Variants in SENP8 observed in about 807,000 individuals in gnomAD.
SENP8 encodes SUMO peptidase family member, NEDD8 specific, also known as sentrin-specific protease 8.
SENP8 carries 10 observed loss-of-function variants against 14.4 expected under a neutral mutation model. The observed-to-expected ratio is 0.69, with a 90% CI of 0.43 to 1.18. SENP8 has a LOEUF of 1.18. SENP8 is among the 50% of genes most tolerant of loss of function. The probability of loss-of-function intolerance (pLI) is 0.00; values close to 1 mark genes in which losing one functional copy is unlikely to be tolerated. For synonymous variants in SENP8, 94 were observed against 95.5 expected (o/e 0.98, Z 0.09); for missense variants, 202 against 249.4 (o/e 0.81, Z 1.28).
intron 1 of SENP8, among the ~76,000 whole-genome samples, chr15:72,122,946 T>C (rs2081181735): frequency 6.6e-6 from 1 of 152,236 alleles, no homozygotes; most frequent in Non-Finnish European, 1.5e-5. Context: ...ATCTGTATTA[T>C]TGTTTGAAAA....
intron 1 of SENP8, among the ~76,000 whole-genome samples, chr15:72,137,804 C>CT (rs1252812541): frequency 6.6e-6 from 1 of 152,052 alleles, no homozygotes; most frequent in Non-Finnish European, 1.5e-5. Context: ...AACCCCGTCT[C>CT]TACTAAAAAT....
At chr15:72,132,542 C>G (rs1172848953) in intron 1 of SENP8, among the ~76,000 whole-genome samples, 5 of 151,944 alleles carry the variant, frequency 3.3e-5, no homozygotes, top group South Asian at 4.2e-4. Flanking sequence ...ATAGATGGCT[C>G]TTGGTTTTTT....
Position 72,142,568 on chromosome 15 carries a change from G to T in SENP8, c.*2306G>T, listed in dbSNP as rs1296258425. The T allele has an allele frequency of 6.6e-6, 1 of 152,168 alleles. No individual in the cohort carries two copies. The highest frequency in any genetic ancestry group is 1.5e-5 in the Non-Finnish European group (1 of 68,034). 9.4% of individuals were successfully genotyped at this position (152,168 alleles called of 1,614,324 possible). A position where few individuals can be genotyped will look rare whatever the true frequency, so the allele number is the denominator to read the frequency against. On this transcript the variant is annotated 3_prime_UTR_variant, in exon 2 of 2. Coordinates refer to ENST00000340912, the MANE Select transcript of SENP8 (RefSeq NM_145204.4). ...CTAACCTGCTTTCAGATATCCTGTT[G>T]TATTGCCCGGTAAGTATAGTCACAC...
upstream of SENP8, chr15:72,117,774 A>C: frequency 1.0e-5 from 4 of 398,068 alleles, no homozygotes; most frequent in Non-Finnish European, 1.8e-5. Flanking sequence ...AGATGGCAGA[A>C]GAGGCCGAGG....
chr15:72,125,034 A>T (rs977208595), intron 1 of SENP8, among the ~76,000 whole-genome samples: 7 of 152,172 alleles, frequency 4.6e-5, no homozygotes, highest in Admixed American at 3.3e-4. Context: ...TGTTTAATTT[A>T]CCAGTCCTTT....
At chr15:72,117,070 TGAG>T (rs2081008925), upstream of SENP8, 1 of 152,174 alleles carries the variant, frequency 6.6e-6, no homozygotes, top group African/African-American at 2.4e-5. Context: ...AAGGTTTGCT[TGAG>T]GAGAGGTCTG....
Position 72,141,887 on chromosome 15 carries a change from T to C in SENP8, c.*1625T>C, listed in dbSNP as rs2081383054. On this transcript the variant is annotated 3_prime_UTR_variant, in exon 2 of 2. Coordinates refer to ENST00000340912, the MANE Select transcript of SENP8 (RefSeq NM_145204.4). ...AAGGTCACTGATGATAGGCCACAAG[T>C]GTAGATAAAGATAAGAAAACAATGT... The C allele has an allele frequency of 6.6e-6, 1 of 152,126 alleles. No homozygotes were observed. The highest frequency in any genetic ancestry group is 6.5e-5 in the Admixed American group (1 of 15,272). 9.4% of individuals were successfully genotyped at this position (152,126 alleles called of 1,614,324 possible). A position where few individuals can be genotyped will look rare whatever the true frequency, so the allele number is the denominator to read the frequency against.
chr15:72,122,290 T>C (rs369267763), intron 1 of SENP8, among the ~76,000 whole-genome samples: 16 of 149,910 alleles, frequency 1.1e-4, no homozygotes, highest in East Asian at 5.9e-4. Flanking sequence ...CTGTGAGTCC[T>C]ACATTTCTGA....
intron 1 of SENP8, among the ~76,000 whole-genome samples, chr15:72,133,381 C>T (rs1420257883): frequency 6.6e-6 from 1 of 152,222 alleles, no homozygotes; most frequent in East Asian, 1.9e-4. Flanking sequence ...TTTGCCTGCA[C>T]CTCTACTACT....
chr15:72,117,748 CCCA>C (rs1325338710), upstream of SENP8: 5 of 397,958 alleles, frequency 1.3e-5, no homozygotes, highest in East Asian at 1.4e-4. Flanking sequence ...CACCCTCCGC[CCCA>C]GGGTAGGACC....
intron 1 of SENP8, among the ~76,000 whole-genome samples, chr15:72,119,696 C>A (rs1814925482): frequency 6.6e-6 from 1 of 152,138 alleles, no homozygotes; most frequent in Admixed American, 6.5e-5. Context: ...TGCAGTGAGC[C>A]AAGATCGCGC....
At chr15:72,136,171 G>A (rs2140521001) in intron 1 of SENP8, among the ~76,000 whole-genome samples, 1 of 152,294 alleles carries the variant, frequency 6.6e-6, no homozygotes, top group Admixed American at 6.5e-5. Flanking sequence ...TCTGTTGTAA[G>A]GATACTGTGA....
upstream of SENP8, chr15:72,117,166 A>G (rs2081015541): frequency 6.6e-6 from 1 of 152,240 alleles, no homozygotes; most frequent in Non-Finnish European, 1.5e-5. Flanking sequence ...ATCTACCGGG[A>G]GTAAGAACAC....
chr15:72,139,881 A>G lies in SENP8; in HGVS notation c.258A>G (p.Val86=). The change falls in exon 2 of 2, where the codon GTA becomes GTG. Residue 86 remains valine, a synonymous_variant. Transcript: ENST00000340912. ...TGGACCTCCCCAACAAGAGAGTTGT[A>G]TTTTTAGCCATCAATGATAACTCCA... is the stretch of plus-strand genomic sequence containing the variant. ...EPLDLPNKRV[V]FLAINDNSNQ... 1.2e-6 allele frequency: 2 copies of G among 1,614,200 alleles called. No homozygotes were observed. The highest frequency in any genetic ancestry group is 1.7e-6 in the Non-Finnish European group (2 of 1,180,032).
intron 1 of SENP8, among the ~76,000 whole-genome samples, chr15:72,129,860 A>T (rs1262202141): frequency 6.6e-6 from 1 of 151,724 alleles, no homozygotes; most frequent in Non-Finnish European, 1.5e-5. Context: ...GAAAAAAAAA[A>T]TCCAGACTGA....
rs1422560236 is a variant in SENP8, at chr15:72,141,391, G to A, written c.*1129G>A. The stretch of plus-strand genomic sequence containing the variant: ...ATACTATCCCTCCAGAAGCACTGAT[G>A]TGTTTCAGTTGTTTCAAATAGTAAA... On this transcript the variant is annotated 3_prime_UTR_variant, in exon 2 of 2. Coordinates refer to ENST00000340912, the MANE Select transcript of SENP8 (RefSeq NM_145204.4). The A allele has an allele frequency of 6.6e-6, 1 of 152,164 alleles. No individual in the cohort carries two copies. The highest frequency in any genetic ancestry group is 1.5e-5 in the Non-Finnish European group (1 of 68,028). 9.4% of individuals were successfully genotyped at this position (152,164 alleles called of 1,614,324 possible).
Position 72,143,347 on chromosome 15 carries a change from A to G in SENP8, c.*3085A>G, listed in dbSNP as rs1388624414. 6.6e-6 allele frequency: 1 copy of G among 152,224 alleles called. No homozygotes were observed. Among genetic ancestry groups the G allele is most frequent in the Non-Finnish European group, 1.5e-5 (1 of 68,048 alleles). 9.4% of individuals were successfully genotyped at this position (152,224 alleles called of 1,614,324 possible). A position where few individuals can be genotyped will look rare whatever the true frequency, so the allele number is the denominator to read the frequency against. ...CCTACTCAGTTCCATTTTAAGACTA[A>G]CAACAAGTTTGAAAACTTAGTTTTA... On this transcript the variant is annotated 3_prime_UTR_variant, in exon 2 of 2. Coordinates refer to ENST00000340912, the MANE Select transcript of SENP8 (RefSeq NM_145204.4).
At chr15:72,116,694 A>G (rs141455088), upstream of SENP8, among the ~76,000 whole-genome samples, 44 of 152,344 alleles carry the variant, frequency 2.9e-4, no homozygotes, top group African/African-American at 1.1e-3. Context: ...ATCTGCAGCA[A>G]TCGACAAGGA....
intron 1 of SENP8, among the ~76,000 whole-genome samples, chr15:72,124,782 AGG>A (rs925861404): frequency 3.8e-4 from 58 of 152,282 alleles, no homozygotes; most frequent in African/African-American, 1.1e-3. Context: ...TTATTAAAAA[AGG>A]GGGAAAAATT....
Sources: gnomAD v4.1 joint callset for allele counts (sites outside exome capture counted in the v4.1 genomes callset) on GRCh38, gnomAD v4.1.1 for gene constraint, MANE v1.5 for transcripts, NCBI Gene and HGNC (gene_info 2026-07-23, HGNC 2026-07-21) for gene names.